The following SORCS3 variants were observed in gnomAD, a reference collection of about 807,000 sequenced individuals.
SORCS3 encodes sortilin related VPS10 domain containing receptor 3.
A neutral mutation model predicts 146.3 loss-of-function variants in SORCS3; 57 were observed. The observed-to-expected ratio is 0.39, with a 90% confidence interval of 0.31 to 0.49. The LOEUF (loss-of-function observed/expected upper bound fraction) is 0.49, where lower values mean the gene tolerates loss of function less well. SORCS3 is among the 20% of genes least tolerant of loss of function. The pLI, the probability that SORCS3 is intolerant of heterozygous loss-of-function variation, is 0.92. For missense variants in SORCS3, 1,341 were observed against 1,575.5 expected, an observed-to-expected ratio of 0.85 and a Z score of 2.52; for synonymous variants, 653 against 618.5, an observed-to-expected ratio of 1.06 and a Z score of -0.83.
intron 8 of SORCS3, among the ~76,000 whole-genome samples, chr10:105,141,226 A>AC (rs1212410769): frequency 1.2e-4 from 18 of 152,144 alleles, no homozygotes; most frequent in Admixed American, 7.9e-4. Context: ...ATGATTAGCA[A>AC]CCCCGAGGCA....
intron 3 of SORCS3, among the ~76,000 whole-genome samples, chr10:104,969,340 T>TGTGTGTGTGTGTGC (rs398014705): frequency 2.7e-5 from 3 of 112,332 alleles, no homozygotes; most frequent in African/African-American, 8.8e-5. Context: ...TGTGTGTGTG[T>TGTGTGTGTGTGTGC]GCGCGCGCGC....
At chr10:105,049,793 T>C (rs1023157079) in intron 5 of SORCS3, among the ~76,000 whole-genome samples, 1 of 151,952 alleles carries the variant, frequency 6.6e-6, no homozygotes, top group Non-Finnish European at 1.5e-5. Context: ...GTGGGAACAA[T>C]AGACACTGGA....
chr10:104,949,481 C>T (rs6584646), intron 3 of SORCS3, among the ~76,000 whole-genome samples: 75,573 of 152,106 alleles, frequency 0.5, 22,724 homozygotes, highest in African/African-American at 0.86. Flanking sequence ...GTGTGTAGTA[C>T]TAAGAAAAGA....
At chr10:104,681,156 C>T (rs1365595048) in intron 1 of SORCS3, among the ~76,000 whole-genome samples, 1 of 152,238 alleles carries the variant, frequency 6.6e-6, no homozygotes, top group Non-Finnish European at 1.5e-5. Context: ...GCAGCGCAGG[C>T]ATGGGGAGAC....
At chr10:104,888,344 T>C (rs1253221179) in intron 2 of SORCS3, among the ~76,000 whole-genome samples, 2 of 152,216 alleles carry the variant, frequency 1.3e-5, no homozygotes, top group African/African-American at 4.8e-5. Context: ...ACTCAAATGC[T>C]GGCCGATCCA....
At chr10:105,260,009 G>A (rs555569306) in intron 25 of SORCS3, among the ~76,000 whole-genome samples, 24 of 152,170 alleles carry the variant, frequency 1.6e-4, no homozygotes, top group Middle Eastern at 3.4e-3. Context: ...TCCTACAAGC[G>A]GATGTGTTAA....
chr10:104,883,896 C>G (rs2018654556), intron 2 of SORCS3, among the ~76,000 whole-genome samples: 2 of 151,216 alleles, frequency 1.3e-5, no homozygotes, highest in Admixed American at 1.3e-4. Context: ...GTGGTGACTC[C>G]TGGGTTTTCT....
intron 5 of SORCS3, among the ~76,000 whole-genome samples, chr10:105,077,484 G>T (rs1051887829): frequency 1.3e-5 from 2 of 150,920 alleles, no homozygotes; most frequent in East Asian, 2.0e-4. Context: ...GGGTGTATCG[G>T]TAATGACTCT....
intron 24 of SORCS3, 79 bp downstream of exon 24, chr10:105,255,880 C>A (rs940771754): frequency 9.2e-5 from 108 of 1,168,376 alleles, no homozygotes; most frequent in Non-Finnish European, 1.3e-4. Context: ...AATCATGAAA[C>A]CCTGCTGCAT....
intron 3 of SORCS3, among the ~76,000 whole-genome samples, chr10:104,957,248 G>T (rs972649010): frequency 2.0e-5 from 3 of 152,020 alleles, no homozygotes; most frequent in Admixed American, 1.3e-4. Flanking sequence ...AAAATGATTC[G>T]ATCTTAAAAA....
intron 14 of SORCS3, among the ~76,000 whole-genome samples, chr10:105,184,500 TA>T (rs1490302629): frequency 8.5e-5 from 13 of 152,208 alleles, no homozygotes. Context: ...CCATTGTAAA[TA>T]TATTAAAAAT....
chr10:105,240,609 G>T (rs576905483), intron 20 of SORCS3, among the ~76,000 whole-genome samples: 1 of 152,122 alleles, frequency 6.6e-6, no homozygotes, highest in African/African-American at 2.4e-5. Context: ...TGTCCTAAAT[G>T]ATTCAGCTTG....
chr10:105,138,910 T>C (rs2056076251), intron 7 of SORCS3, among the ~76,000 whole-genome samples: 1 of 152,200 alleles, frequency 6.6e-6, no homozygotes, highest in Admixed American at 6.5e-5. Context: ...AGGAAAGAAA[T>C]CTGTGCTTAG....
At chr10:104,883,412 AT>A (rs1211145313) in intron 2 of SORCS3, among the ~76,000 whole-genome samples, 10 of 152,192 alleles carry the variant, frequency 6.6e-5, no homozygotes, top group African/African-American at 2.4e-4. Flanking sequence ...AGATGAGAAG[AT>A]TAAGTGCCTT....
intron 5 of SORCS3, among the ~76,000 whole-genome samples, 196 bp from the exon 6 acceptor site, chr10:105,089,579 C>G (rs1356067407): frequency 6.6e-6 from 1 of 152,140 alleles, no homozygotes; most frequent in Non-Finnish European, 1.5e-5. Context: ...GTCTCATGAC[C>G]CTTACAGATG....
chr10:105,190,580 G>A (rs895505897), intron 14 of SORCS3, among the ~76,000 whole-genome samples: 1 of 152,034 alleles, frequency 6.6e-6, no homozygotes, highest in Non-Finnish European at 1.5e-5. Flanking sequence ...TGTATTTTTG[G>A]TAGAGACGGG....
chr10:105,212,553 T>C (rs187900016), intron 17 of SORCS3, among the ~76,000 whole-genome samples: 7 of 152,268 alleles, frequency 4.6e-5, no homozygotes, highest in African/African-American at 1.7e-4. Context: ...CATGTGTAGG[T>C]AGACCACATT....
chr10:104,880,615 C>T (rs1044572093), intron 2 of SORCS3, among the ~76,000 whole-genome samples: 4 of 76,490 alleles, frequency 5.2e-5, no homozygotes, highest in African/African-American at 1.9e-4. Flanking sequence ...CATCTTATCC[C>T]GTAGGTTGCT....
intron 5 of SORCS3, among the ~76,000 whole-genome samples, chr10:105,044,284 C>A (rs2055355302): frequency 6.6e-6 from 1 of 152,094 alleles, no homozygotes; most frequent in Non-Finnish European, 1.5e-5. Flanking sequence ...ATGCAGTGAT[C>A]ACTTGAGCTC....
Sources: gnomAD v4.1 joint callset for allele counts (sites outside exome capture counted in the v4.1 genomes callset) on GRCh38, gnomAD v4.1.1 for gene constraint, MANE v1.5 for transcripts, NCBI Gene and HGNC (gene_info 2026-07-23, HGNC 2026-07-21) for gene names.